Variants in CNTLN observed in about 807,000 individuals in gnomAD.
CNTLN encodes the protein centlein, centrosomal protein.
In CNTLN, 212 loss-of-function variants were observed where a neutral mutation model predicts 180.0. That is an observed-to-expected ratio of 1.18 (90% confidence interval 1.05 to 1.32). CNTLN has a LOEUF of 1.32. Ranked by LOEUF, CNTLN falls within the 40% of genes most tolerant of loss-of-function variation. The pLI, the probability that CNTLN is intolerant of heterozygous loss-of-function variation, is 0.00. For missense variants in CNTLN, 2,095 were observed against 1,610.9 expected, an observed-to-expected ratio of 1.30 and a Z score of -5.14; for synonymous variants, 722 against 563.1, an observed-to-expected ratio of 1.28 and a Z score of -3.99.
chr9:17,189,718 C>T (rs568354804), intron 2 of CNTLN, among the ~76,000 whole-genome samples: 2 of 151,804 alleles, frequency 1.3e-5, no homozygotes, highest in South Asian at 2.1e-4. Flanking sequence ...AACTCCTAAC[C>T]GCAAGCTGGT....
At chr9:17,143,852 C>G (rs901940132) in intron 2 of CNTLN, among the ~76,000 whole-genome samples, 10 of 152,130 alleles carry the variant, frequency 6.6e-5, no homozygotes, top group Non-Finnish European at 2.9e-5. Context: ...ACTTAGCACT[C>G]CATATTATCC....
intron 5 of CNTLN, among the ~76,000 whole-genome samples, chr9:17,239,683 A>G (rs938370048): frequency 1.3e-5 from 2 of 152,052 alleles, no homozygotes; most frequent in African/African-American, 2.4e-5. Context: ...ATGCTTTTGT[A>G]TGTGTTATTT....
chr9:17,277,663 T>C (rs533828645), intron 6 of CNTLN, among the ~76,000 whole-genome samples: 8 of 152,218 alleles, frequency 5.3e-5, no homozygotes, highest in African/African-American at 1.7e-4. Context: ...TAGTTTAAAC[T>C]AATAAGTTTA....
chr9:17,385,852 A>G (rs1825646706), intron 13 of CNTLN, among the ~76,000 whole-genome samples: 1 of 151,444 alleles, frequency 6.6e-6, no homozygotes, highest in Admixed American at 6.6e-5. Flanking sequence ...GGACTTGAGC[A>G]TGGTTGGATT....
At chr9:17,145,638 A>C (rs894508852) in intron 2 of CNTLN, among the ~76,000 whole-genome samples, 3 of 152,156 alleles carry the variant, frequency 2.0e-5, no homozygotes, top group African/African-American at 7.2e-5. Context: ...TTTGTATAAC[A>C]GGCTGAGAAC....
rs1833873138 is a variant in CNTLN at position 17,503,923 on chromosome 9, A to C, written c.*1271A>C. On this transcript the variant is annotated 3_prime_UTR_variant, in exon 26 of 26. Coordinates refer to ENST00000380647, the MANE Select transcript of CNTLN (RefSeq NM_017738.4). Reference sequence around the variant, plus strand: ...TGTTAATAAAGTTTTATTGGAACACAGTGGTGCTCATTCATTTCTTTACTG... The same window carrying C: ...TGTTAATAAAGTTTTATTGGAACACCGTGGTGCTCATTCATTTCTTTACTG... 6.6e-6 allele frequency: 1 copy of C among 150,808 alleles called. No homozygotes were observed. The highest frequency in any genetic ancestry group is 1.9e-4 in the East Asian group (1 of 5,186). 9.3% of individuals were successfully genotyped at this position (150,808 alleles called of 1,614,324 possible). A position where few individuals can be genotyped will look rare whatever the true frequency, so the allele number is the denominator to read the frequency against.
At chr9:17,151,840 T>C (rs1818904753) in intron 2 of CNTLN, among the ~76,000 whole-genome samples, 1 of 152,160 alleles carries the variant, frequency 6.6e-6, no homozygotes, top group South Asian at 2.1e-4. Context: ...ATTTCAGAAC[T>C]TGTTATTGGT....
At chr9:17,443,755 A>G (rs1412783129) in intron 18 of CNTLN, among the ~76,000 whole-genome samples, 1 of 152,186 alleles carries the variant, frequency 6.6e-6, no homozygotes, top group Non-Finnish European at 1.5e-5. Context: ...GCCCAGAGAA[A>G]GAATGCTGGA....
At chr9:17,474,916 C>T (rs1481629190) in intron 23 of CNTLN, among the ~76,000 whole-genome samples, 1 of 151,710 alleles carries the variant, frequency 6.6e-6, no homozygotes. Flanking sequence ...ACTCTAGTCT[C>T]CTGGCATGAC....
chr9:17,291,982 A>G (rs143184847), intron 6 of CNTLN, among the ~76,000 whole-genome samples: 1,669 of 152,244 alleles, frequency 0.011, 11 homozygotes, highest in Non-Finnish European at 0.018. Flanking sequence ...GAGCTCTTGC[A>G]AGGTAGGCCT....
intron 6 of CNTLN, 38 bp from the exon 7 acceptor site, chr9:17,298,152 A>G (rs1818081395): frequency 1.4e-6 from 2 of 1,387,410 alleles, no homozygotes; most frequent in Non-Finnish European, 1.9e-6. Context: ...GATGATCTTT[A>G]TCCATACTTT....
chr9:17,359,235 T>C (rs1823100506), intron 12 of CNTLN, among the ~76,000 whole-genome samples: 4 of 151,984 alleles, frequency 2.6e-5, no homozygotes, highest in Admixed American at 6.6e-5. Flanking sequence ...CCCAGGCTGG[T>C]CTCAAACTCC....
chr9:17,435,840 C>T (rs1829741840), intron 18 of CNTLN, among the ~76,000 whole-genome samples: 1 of 152,074 alleles, frequency 6.6e-6, no homozygotes, highest in Non-Finnish European at 1.5e-5. Context: ...TAGGATTACA[C>T]GTGTAAGCCA....
intron 18 of CNTLN, among the ~76,000 whole-genome samples, chr9:17,416,491 T>G (rs996418211): frequency 6.6e-6 from 1 of 152,220 alleles, no homozygotes; most frequent in Non-Finnish European, 1.5e-5. Flanking sequence ...GTGTTACATC[T>G]TAGTGTTTAA....
the CNTLN span, among the ~76,000 whole-genome samples, chr9:17,526,513 C>A: frequency 2.2e-4 from 34 of 152,298 alleles, no homozygotes; most frequent in East Asian, 6.4e-3. Flanking sequence ...TCATGCTAAA[C>A]ATCTCAGGGC....
chr9:17,325,571 A>ACG (rs921363212), intron 8 of CNTLN, among the ~76,000 whole-genome samples: 2 of 141,408 alleles, frequency 1.4e-5, no homozygotes, highest in African/African-American at 5.1e-5. Flanking sequence ...ACACACACAC[A>ACG]CACACGCACA....
intron 19 of CNTLN, among the ~76,000 whole-genome samples, chr9:17,460,193 G>A (rs1294385093): frequency 1.3e-5 from 2 of 151,060 alleles, no homozygotes; most frequent in African/African-American, 2.4e-5. Flanking sequence ...TAAGTTACTT[G>A]TCCGAGATCA....
intron 2 of CNTLN, among the ~76,000 whole-genome samples, chr9:17,161,573 G>A (rs1262295637): frequency 6.6e-6 from 1 of 152,146 alleles, no homozygotes; most frequent in Non-Finnish European, 1.5e-5. Context: ...ACAAATGTGT[G>A]CCAAACTCCA....
chr9:17,457,726 A>G lies in CNTLN; in HGVS notation c.3306+11A>G. The G allele has an allele frequency of 7.1e-7, 1 of 1,406,902 alleles. No individual in the cohort carries two copies. Among genetic ancestry groups the G allele is most frequent in the Non-Finnish European group, 9.3e-7 (1 of 1,070,296 alleles). 87.2% of individuals were successfully genotyped at this position (1,406,902 alleles called of 1,614,324 possible). A position where few individuals can be genotyped will look rare whatever the true frequency, so the allele number is the denominator to read the frequency against. Reference sequence around the variant, plus strand: ...CAGTATAAACTAAAGGTGATTATAAAATTTATTAAGCATGAAAACATACAT... The same window carrying G: ...CAGTATAAACTAAAGGTGATTATAAGATTTATTAAGCATGAAAACATACAT... On this transcript the variant is annotated intron_variant, in intron 19 of 25. Coordinates refer to ENST00000380647, the MANE Select transcript of CNTLN (RefSeq NM_017738.4).
Sources: gnomAD v4.1 joint callset for allele counts (sites outside exome capture counted in the v4.1 genomes callset) on GRCh38, gnomAD v4.1.1 for gene constraint, MANE v1.5 for transcripts, NCBI Gene and HGNC (gene_info 2026-07-23, HGNC 2026-07-21) for gene names.